The following ASPHD1 variants were observed in gnomAD, a reference collection of about 807,000 sequenced individuals.
ASPHD1 encodes aspartate beta-hydroxylase domain-containing protein 1.
In ASPHD1, 20 loss-of-function variants were observed where a neutral mutation model predicts 28.3. The observed-to-expected ratio is 0.71, with a 90% CI of 0.50 to 1.03. The LOEUF (loss-of-function observed/expected upper bound fraction) is 1.03, where lower values mean the gene tolerates loss of function less well. Ranked by LOEUF, ASPHD1 falls within the 50% of genes least tolerant of loss-of-function variation. The pLI is 0.00. For synonymous variants in ASPHD1, 240 were observed against 221.2 expected (o/e 1.08, Z -0.75); for missense variants, 479 against 524.1 (o/e 0.91, Z 0.84).
At chr16:29,908,332 T>C (rs953071261), downstream of ASPHD1, among the ~76,000 whole-genome samples, 7 of 152,174 alleles carry the variant, frequency 4.6e-5, 1 homozygote, top group Admixed American at 4.6e-4. Context: ...TTGTGTGGCC[T>C]TGGAAGCATC....
chr16:29,906,980 G>A (rs768672472), downstream of ASPHD1: 14 of 1,614,016 alleles, frequency 8.7e-6, no homozygotes, highest in Admixed American at 1.7e-5. Flanking sequence ...CATCCTCCCC[G>A]CGGCCAGCCC....
In ASPHD1 at chr16:29,911,404, G is replaced by T. The variant is rs1054969085; in HGVS notation, c.*62+5445G>T. ...GCACAGCAGCTCCAGTGAGGGACCGGGAGCCAGGCCACCTCCCCGGGGGTC... is the reference window on the plus strand; with the variant it reads ...GCACAGCAGCTCCAGTGAGGGACCGTGAGCCAGGCCACCTCCCCGGGGGTC... On this transcript the variant is annotated intron_variant and NMD_transcript_variant, in intron 3 of 3. Transcript: ENST00000414952. The T allele has an allele frequency of 5.3e-6, 3 of 566,202 alleles. No individual in the cohort carries two copies. The African/African-American group carries it at 5.7e-5, about 11-fold the overall frequency. 35.1% of individuals were successfully genotyped at this position (566,202 alleles called of 1,614,324 possible).
rs1299725615 is a variant in ASPHD1, at chr16:29,900,996, A to G, written c.25A>G (p.Ser9Gly). 1.3e-6 allele frequency: 2 copies of G among 1,559,192 alleles called. No individual in the cohort carries two copies. The highest frequency in any genetic ancestry group is 1.7e-6 in the Non-Finnish European group (2 of 1,150,972). Reference protein sequence around the residue: MKEGRGSFSVERGPRKERE... With the variant: MKEGRGSFGVERGPRKERE... ...CATGAAGGAGGGGAGAGGGAGCTTC[A>G]GCGTGGAGAGAGGACCGCGGAAGGA... The change falls in exon 1 of 3, where the codon AGC becomes GGC. Residue 9 changes from serine (S) to glycine (G), a missense_variant. By Grantham distance (56) the Ser-to-Gly change is moderately conservative (BLOSUM62 0). Transcript: ENST00000308748.
chr16:29,907,268 A>C (rs1324453911), downstream of ASPHD1, among the ~76,000 whole-genome samples: 1 of 152,110 alleles, frequency 6.6e-6, no homozygotes, highest in Non-Finnish European at 1.5e-5. Flanking sequence ...GCAAAGTCAT[A>C]CTTCAAGGCT....
intron 3 of ASPHD1, chr16:29,911,098 G>A: frequency 1.2e-6 from 2 of 1,614,186 alleles, no homozygotes; most frequent in Non-Finnish European, 1.7e-6. Flanking sequence ...CCTTGAGGAA[G>A]AGTAGCCGCC....
chr16:29,910,213 C>T, downstream of ASPHD1, among the ~76,000 whole-genome samples: 1 of 151,374 alleles, frequency 6.6e-6, no homozygotes, highest in Non-Finnish European at 1.5e-5. Flanking sequence ...TCCTGGCCAA[C>T]ATGGTGAAAC....
chr16:29,901,656 T>G lies in ASPHD1; in HGVS notation c.685T>G (p.Trp229Gly), dbSNP rs777823381. The G allele has an allele frequency of 4.4e-6, 7 of 1,581,370 alleles. No individual in the cohort carries two copies. Among genetic ancestry groups the G allele is most frequent in the South Asian group, 1.1e-5 (1 of 87,606 alleles). The change falls in exon 1 of 3, where the codon TGG becomes GGG. Residue 229 changes from tryptophan to glycine, a missense_variant. Physicochemically the swap from Trp to Gly is radical, Grantham distance 184. Coordinates refer to ENST00000308748, the MANE Select transcript of ASPHD1 (RefSeq NM_181718.4). This position sits in a 1 kb window ranked among gnomAD's most constrained non-coding sequence, Gnocchi z 5.1. ...TTTGCGGGACTTCGGGGCTGTGAGC[T>G]GGGACTTCTCAGGGACTACCCCTCC... is the stretch of plus-strand genomic sequence containing the variant. ...AILRDFGAVS[W>G]DFSGTTPPPR... is the part of the protein sequence containing the mutation.
chr16:29,906,932 G>C, downstream of ASPHD1: 1 of 1,614,158 alleles, frequency 6.2e-7, no homozygotes, highest in Non-Finnish European at 8.5e-7. Flanking sequence ...TATGGCGCCG[G>C]ACATGGATCC....
At position 29,911,459 on chromosome 16, in the gene ASPHD1, A is replaced by T. The variant is rs1195765750; in HGVS notation, c.*62+5500A>T. On this transcript the variant is annotated intron_variant and NMD_transcript_variant, in intron 3 of 3. Transcript: ENST00000414952. Reference sequence around the variant, plus strand: ...TGTCCCCATTTTTTAACTGGGTGACACTAGGCAAGTTACTTCACCTCTTGG... The same window carrying T: ...TGTCCCCATTTTTTAACTGGGTGACTCTAGGCAAGTTACTTCACCTCTTGG... The T allele has an allele frequency of 7.1e-6, 4 of 561,234 alleles. No individual in the cohort carries two copies. The Admixed American group carries it at 9.9e-5, about 14-fold the overall frequency. 34.8% of individuals were successfully genotyped at this position (561,234 alleles called of 1,614,324 possible). A position where few individuals can be genotyped will look rare whatever the true frequency, so the allele number is the denominator to read the frequency against.
At position 29,917,222 on chromosome 16, in the gene ASPHD1, G is replaced by A. The variant is rs367568759; in HGVS notation, c.*63-2309G>A. On this transcript the variant is annotated intron_variant and NMD_transcript_variant, in intron 3 of 3. Transcript: ENST00000414952. ...CTTGGGTGCTGGCTACCTCTGGACT[G>A]TTTAATACCTGGCACTGGGAAAACT... 5.9e-5 allele frequency among the ~76,000 whole-genome samples: 9 copies of A among 152,232 alleles called. No homozygotes were observed. In the South Asian group the frequency reaches 1.0e-3, roughly 18 times the overall value.
chr16:29,912,526 C>T (rs1191166784), intron 3 of ASPHD1, among the ~76,000 whole-genome samples: 3 of 152,204 alleles, frequency 2.0e-5, no homozygotes, highest in East Asian at 1.9e-4. Context: ...CTGCAACCTC[C>T]ACCTCCCGGG....
chr16:29,901,883 C>T lies in ASPHD1; in HGVS notation c.912C>T (p.Arg304=). 1 of 1,524,444 alleles carries T rather than the reference C, an allele frequency of 6.6e-7. No homozygotes were observed. Among genetic ancestry groups the T allele is most frequent in the Non-Finnish European group, 8.8e-7 (1 of 1,139,260 alleles). 94.4% of individuals were successfully genotyped at this position (1,524,444 alleles called of 1,614,324 possible). A position where few individuals can be genotyped will look rare whatever the true frequency, so the allele number is the denominator to read the frequency against. ...VLLPGARLEG[R]CGPTNARVRC... ...TGCCTGGGGCCCGGCTCGAGGGCCG[C>T]TGTGGGCCCACCAATGCCCGGGTCA... Residue 304 remains arginine (R), a synonymous_variant, in exon 1 of 3, where the codon CGC becomes CGT. Transcript: ENST00000308748. This position sits in a 1 kb window ranked among gnomAD's most constrained non-coding sequence, Gnocchi z 5.1.
rs746729294 is a variant in ASPHD1, at chr16:29,901,820, T to C, written c.849T>C (p.Ser283=). The C allele has an allele frequency of 3.7e-5, 58 of 1,557,284 alleles. No individual in the cohort carries two copies. Among genetic ancestry groups the C allele is most frequent in the Non-Finnish European group, 4.8e-5 (55 of 1,153,142 alleles). Residue 283 remains serine (S), a synonymous_variant, in exon 1 of 3, where the codon AGT becomes AGC. Transcript: ENST00000308748. This position sits in a 1 kb window ranked among gnomAD's most constrained non-coding sequence, Gnocchi z 5.1. The part of the protein sequence containing the change: ...RALRGLRSFM[S]ANTFGNAGFS... ...TGAGGGGGCTTCGAAGCTTTATGAG[T>C]GCCAACACCTTCGGCAATGCCGGCT... is the stretch of plus-strand genomic sequence containing the variant.
At chr16:29,908,135 G>A (rs528667545), downstream of ASPHD1, among the ~76,000 whole-genome samples, 144 of 152,284 alleles carry the variant, frequency 9.5e-4, no homozygotes, top group Non-Finnish European at 1.9e-3. Context: ...CCAAAGGAGT[G>A]GGGGAGGGGA....
chr16:29,911,397 G>A (rs2068706377), intron 3 of ASPHD1: 4 of 570,772 alleles, frequency 7.0e-6, no homozygotes, highest in Non-Finnish European at 1.2e-5. Context: ...GCTCCAGTGA[G>A]GGACCGGGAG....
At chr16:29,913,439 C>T (rs892329735) in intron 3 of ASPHD1, 4 of 152,170 alleles carry the variant, frequency 2.6e-5, no homozygotes, top group East Asian at 1.9e-4. Context: ...CACAAATGTG[C>T]GAGGGGAATT....
Position 29,901,790 on chromosome 16 carries a change from G to T in ASPHD1, c.819G>T (p.Arg273=). ...SNCRRCPGAY[R]ALRGLRSFMS... ...GCCGCCGGTGCCCGGGGGCCTATCGGGCACTGAGGGGGCTTCGAAGCTTTA... is the reference window on the plus strand; with the variant it reads ...GCCGCCGGTGCCCGGGGGCCTATCGTGCACTGAGGGGGCTTCGAAGCTTTA... The change falls in exon 1 of 3, where the codon CGG becomes CGT. Residue 273 remains arginine, a synonymous_variant. Transcript: ENST00000308748. The surrounding 1 kb of genome is among the most constrained non-coding windows in gnomAD (Gnocchi z 5.1). 6.4e-7 allele frequency: 1 copy of T among 1,561,302 alleles called. No homozygotes were observed. The highest frequency in any genetic ancestry group is 8.7e-7 in the Non-Finnish European group (1 of 1,153,058).
Position 29,916,136 on chromosome 16 carries a change from G to A in ASPHD1, c.*63-3395G>A, listed in dbSNP as rs150442228. Among the ~76,000 whole-genome samples, 34 of 152,166 alleles carry A rather than the reference G, an allele frequency of 2.2e-4. No homozygotes were observed. The East Asian group carries it at 5.4e-3, about 24-fold the overall frequency. ...AGACAGTGTTGCTAAACTTTCTGCCGCTACACAAGGATCTCCTTTCCATCA... is the reference window on the plus strand; with the variant it reads ...AGACAGTGTTGCTAAACTTTCTGCCACTACACAAGGATCTCCTTTCCATCA... On this transcript the variant is annotated intron_variant and NMD_transcript_variant, in intron 3 of 3. Transcript: ENST00000414952.
chr16:29,904,126 G>GAATAAAATAAAATAAAATAA (rs55763869), intron 1 of ASPHD1, among the ~76,000 whole-genome samples: 2 of 147,166 alleles, frequency 1.4e-5, no homozygotes, highest in Non-Finnish European at 3.0e-5. Flanking sequence ...GTCTGTATAA[G>GAATAAAATAAAATAAAATAA]AATAAAATAA....
Sources: allele counts gnomAD v4.1 joint callset (sites outside exome capture counted in the v4.1 genomes callset), GRCh38; gene constraint gnomAD v4.1.1; non-coding constraint Gnocchi (gnomAD v3.1); transcripts MANE v1.5; gene names NCBI Gene and HGNC (gene_info 2026-07-23, HGNC 2026-07-21).